The following NEMF variants were observed in gnomAD, a reference collection of about 807,000 sequenced individuals.
The protein encoded by NEMF is ribosome quality control complex subunit NEMF.
Under a neutral mutation model 162.2 loss-of-function variants are expected in NEMF, and 89 were observed. The ratio of observed to expected loss-of-function variants is 0.55; its 90% CI spans 0.46 to 0.65. The LOEUF (loss-of-function observed/expected upper bound fraction) is 0.65, where lower values mean the gene tolerates loss of function less well. Ranked by LOEUF, NEMF falls within the 30% of genes least tolerant of loss-of-function variation. The pLI, the probability that NEMF is intolerant of heterozygous loss-of-function variation, is 0.00. For missense variants in NEMF, 1,133 were observed against 1,261.9 expected, an observed-to-expected ratio of 0.90 and a Z score of 1.55; for synonymous variants, 421 against 404.5, an observed-to-expected ratio of 1.04 and a Z score of -0.49.
chr14:49,820,863 G>A (rs985688004), intron 16 of NEMF, among the ~76,000 whole-genome samples: 16 of 152,078 alleles, frequency 1.1e-4, no homozygotes, highest in African/African-American at 1.9e-4. Context: ...CGAGTGATCC[G>A]CCAGCCTCGG....
chr14:49,813,272 T>C (rs1187440003), intron 18 of NEMF, among the ~76,000 whole-genome samples: 2 of 152,200 alleles, frequency 1.3e-5, no homozygotes, highest in Admixed American at 6.5e-5. Context: ...GAATCTGTGA[T>C]TTTTGGATTT....
chr14:49,799,361 G>T, intron 25 of NEMF, 114 bp downstream of exon 25: 7 of 819,196 alleles, frequency 8.5e-6, no homozygotes, highest in Non-Finnish European at 1.3e-5. Context: ...GCTAAATCTT[G>T]GTAAATTTAA....
intron 18 of NEMF, among the ~76,000 whole-genome samples, chr14:49,807,325 A>G (rs1891261353): frequency 6.6e-6 from 1 of 152,248 alleles, no homozygotes; most frequent in East Asian, 1.9e-4. Flanking sequence ...TGGCTATTAT[A>G]AATAATGCTG....
chr14:49,848,941 G>GA (rs1034811109), intron 3 of NEMF, among the ~76,000 whole-genome samples: 21 of 149,032 alleles, frequency 1.4e-4, no homozygotes, highest in Non-Finnish European at 4.5e-5. Context: ...GACAAAGGTT[G>GA]AAAAAAAACA....
intron 14 of NEMF, 110 bp downstream of exon 14, chr14:49,828,506 C>G (rs1892473289): frequency 9.7e-7 from 1 of 1,030,664 alleles, no homozygotes; most frequent in South Asian, 1.6e-5. Context: ...TATTTTCACC[C>G]AAAAAAAGTA....
intron 8 of NEMF, among the ~76,000 whole-genome samples, chr14:49,832,924 A>G (rs1468794174): frequency 6.6e-6 from 1 of 152,222 alleles, no homozygotes. Context: ...TACTTTCTAT[A>G]AAAGATAGGG....
intron 22 of NEMF, chr14:49,801,622 G>C (rs965057570): frequency 6.6e-6 from 1 of 152,172 alleles, no homozygotes; most frequent in Non-Finnish European, 1.5e-5. Flanking sequence ...CCTGTAAAGA[G>C]GAATGACCTT....
chr14:49,827,706 A>T (rs901137620), intron 15 of NEMF, among the ~76,000 whole-genome samples: 5 of 152,036 alleles, frequency 3.3e-5, no homozygotes, highest in African/African-American at 4.8e-5. Context: ...CCAGCTACTT[A>T]GGAGGCTGAG....
chr14:49,850,160 C>G (rs1408670142), intron 3 of NEMF, among the ~76,000 whole-genome samples: 1 of 151,902 alleles, frequency 6.6e-6, no homozygotes, highest in African/African-American at 2.4e-5. Flanking sequence ...TGGAGTGAAA[C>G]AGTGCGAACT....
chr14:49,802,748 T>C (rs771224652), intron 20 of NEMF, 21 bp from the exon 21 acceptor site: 3 of 1,570,742 alleles, frequency 1.9e-6, no homozygotes, highest in Non-Finnish European at 1.7e-6. Context: ...TAACGTACAT[T>C]AATGCTTTGA....
At position 49,832,206 on chromosome 14, in the gene NEMF, CGT is replaced by C. The variant is rs746908548; in HGVS notation, c.805_806del (p.Thr269ValfsTer2). 3.7e-6 allele frequency: 6 copies of C among 1,607,730 alleles called. No homozygotes were observed. The African/African-American group carries it at 8.0e-5, about 22-fold the overall frequency. On this transcript the variant is annotated frameshift_variant and splice_region_variant, in exon 9 of 33. Coordinates refer to ENST00000298310, the MANE Select transcript of NEMF (RefSeq NM_004713.6). LOFTEE classifies it high-confidence loss of function. ...AAATTGACCCATGCCTATATGCTTA[CGT>C]CAGTATGTCTTCAACTGGTTTATCT... ...EADKPVEDILTYEEFHPFLFS... is the reference protein window; with the variant it reads ...EADKPVEDILXYEEFHPFLFS...
rs556154535 is a variant in NEMF, at chr14:49,789,439, G to T, written c.2697+57C>A. The T allele has an allele frequency of 1.1e-4, 180 of 1,610,204 alleles. 2 individuals are homozygous for T. The South Asian group carries it at 1.9e-3, about 17-fold the overall frequency. The stretch of plus-strand genomic sequence containing the variant: ...TTGAATGCCTGTCATACGCTAGGCA[G>T]TGGGCTAGATGCCCATTTGAAAAGC... On this transcript the variant is annotated intron_variant, in intron 27 of 32. Transcript: ENST00000298310.
rs1478764431 is a variant in NEMF, at chr14:49,851,791, T to C, written c.128+16A>G. The stretch of plus-strand genomic sequence containing the variant: ...TTAATTGTCAAAGAGAAAATAAGCC[T>C]ATAAAATGTTCTTACTTTTGAAGAC... On this transcript the variant is annotated intron_variant, in intron 2 of 32. Coordinates refer to ENST00000298310, the MANE Select transcript of NEMF (RefSeq NM_004713.6). The C allele has an allele frequency of 4.7e-6, 7 of 1,495,794 alleles. No individual in the cohort carries two copies. Among genetic ancestry groups the C allele is most frequent in the Non-Finnish European group, 5.5e-6 (6 of 1,084,622 alleles). 92.7% of individuals were successfully genotyped at this position (1,495,794 alleles called of 1,614,324 possible).
At chr14:49,786,785 A>G in intron 28 of NEMF, 35 bp from the exon 29 acceptor site, 1 of 1,590,102 alleles carries the variant, frequency 6.3e-7, no homozygotes, top group Non-Finnish European at 8.6e-7. Flanking sequence ...AATGTCAGCT[A>G]TAATGTAAAA....
chr14:49,817,919 G>A (rs900576046), intron 16 of NEMF, among the ~76,000 whole-genome samples: 3 of 152,128 alleles, frequency 2.0e-5, no homozygotes, highest in Admixed American at 6.6e-5. Context: ...CTTGTTTTAT[G>A]AGGCAATATG....
At chr14:49,786,851 T>C in intron 28 of NEMF, 101 bp from the exon 29 acceptor site, 1 of 1,088,514 alleles carries the variant, frequency 9.2e-7, no homozygotes, top group Non-Finnish European at 1.3e-6. Flanking sequence ...ACAACCAGAC[T>C]GTCATTTCTG....
At chr14:49,849,928 T>C (rs896612261) in intron 3 of NEMF, among the ~76,000 whole-genome samples, 1 of 152,174 alleles carries the variant, frequency 6.6e-6, no homozygotes, top group Non-Finnish European at 1.5e-5. Context: ...ATGGAAACAC[T>C]TACCTAATTT....
rs999600723 is a variant in NEMF at position 49,782,221 on chromosome 14, C to G, written c.*2415G>C. 2 of 545,064 alleles carry G rather than the reference C, an allele frequency of 3.7e-6. No homozygotes were observed. Among genetic ancestry groups the G allele is most frequent in the South Asian group, 5.6e-5 (2 of 36,020 alleles). The allele number at this position is 545,064 out of a possible 1,614,324, so 33.8% of individuals were successfully genotyped here. ...GATATTGATTGATCTGCTTTTGCTA[C>G]TTTCCCTTAAGATTTTACTTCTCGC... is the stretch of plus-strand genomic sequence containing the variant. On this transcript the variant is annotated 3_prime_UTR_variant, in exon 33 of 33. Coordinates refer to ENST00000298310, the MANE Select transcript of NEMF (RefSeq NM_004713.6).
chr14:49,831,248 T>A (rs1250729606), intron 11 of NEMF, 51 bp downstream of exon 11: 4 of 1,011,408 alleles, frequency 4.0e-6, no homozygotes, highest in Non-Finnish European at 4.7e-6. Flanking sequence ...CATCTACCCA[T>A]CAAGCCGCTA....
Sources: allele counts gnomAD v4.1 joint callset (sites outside exome capture counted in the v4.1 genomes callset), GRCh38; gene constraint gnomAD v4.1.1; transcripts MANE v1.5; gene names NCBI Gene and HGNC (gene_info 2026-07-23, HGNC 2026-07-21).